CROT: variants seen among roughly 807,000 people sequenced by gnomAD.
CROT encodes peroxisomal carnitine O-octanoyltransferase.
CROT carries 84 observed loss-of-function variants against 89.2 expected under a neutral mutation model. That is an observed-to-expected ratio of 0.94 (90% CI 0.79 to 1.13). CROT has a LOEUF of 1.13. Ranked by LOEUF, CROT falls within the 50% of genes most tolerant of loss-of-function variation. CROT has a pLI of 0.00. For missense variants in CROT, 711 were observed against 727.8 expected (o/e 0.98, Z 0.27); for synonymous variants, 212 against 239.5 (o/e 0.89, Z 1.06).
chr7:87,346,044 C>A (rs1805658824), intron 1 of CROT, among the ~76,000 whole-genome samples: 1 of 152,164 alleles, frequency 6.6e-6, no homozygotes, highest in Non-Finnish European at 1.5e-5. Context: ...TCTGCTCCTG[C>A]TTCTACCCCT....
chr7:87,357,305 T>G (rs1456065373), intron 3 of CROT, among the ~76,000 whole-genome samples: 1 of 152,152 alleles, frequency 6.6e-6, no homozygotes, highest in Non-Finnish European at 1.5e-5. Flanking sequence ...ACTTTAATTT[T>G]TATTATACCC....
intron 3 of CROT, chr7:87,357,494 T>C (rs1432892563): frequency 6.4e-7 from 1 of 1,551,688 alleles, no homozygotes. Context: ...CTCATCCTAA[T>C]GTCCCTTTGT....
intron 10 of CROT, among the ~76,000 whole-genome samples, chr7:87,380,883 A>G (rs542546396): frequency 1.3e-5 from 2 of 152,224 alleles, no homozygotes; most frequent in Non-Finnish European, 2.9e-5. Flanking sequence ...ACTGTTAGAA[A>G]ATGGGTTTGT....
intron 6 of CROT, among the ~76,000 whole-genome samples, chr7:87,363,159 T>C (rs1806334973): frequency 6.6e-6 from 1 of 152,334 alleles, no homozygotes. Flanking sequence ...TTAGATAAGG[T>C]AACTCTTTTG....
At chr7:87,368,251 A>G (rs1198994141) in intron 6 of CROT, among the ~76,000 whole-genome samples, 1 of 152,156 alleles carries the variant, frequency 6.6e-6, no homozygotes, top group Non-Finnish European at 1.5e-5. Context: ...CGCCAGGTTT[A>G]TTGTGAGGTA....
At chr7:87,371,973 G>C (rs1584634319) in intron 7 of CROT, among the ~76,000 whole-genome samples, 1 of 129,752 alleles carries the variant, frequency 7.7e-6, no homozygotes. Flanking sequence ...CAGCCTGGGT[G>C]ACAGAGCAAG....
intron 7 of CROT, among the ~76,000 whole-genome samples, chr7:87,371,649 A>AC (rs772150457): frequency 2.6e-5 from 4 of 152,278 alleles, no homozygotes; most frequent in Middle Eastern, 6.8e-3. Context: ...ATGTGAGGAC[A>AC]CCCACTTCTC....
chr7:87,362,824 A>G (rs956393518), intron 6 of CROT, among the ~76,000 whole-genome samples: 2 of 152,178 alleles, frequency 1.3e-5, no homozygotes, highest in African/African-American at 4.8e-5. Flanking sequence ...TTTATAGCCA[A>G]TCATGCTCAT....
intron 17 of CROT, among the ~76,000 whole-genome samples, chr7:87,397,889 A>G (rs967217286): frequency 2.6e-5 from 4 of 152,200 alleles, no homozygotes; most frequent in Admixed American, 6.5e-5. Flanking sequence ...ATATTTCGCT[A>G]TAGAAACTTC....
Position 87,392,959 on chromosome 7 carries a change from G to A in CROT, c.1610G>A (p.Gly537Glu), listed in dbSNP as rs1184782183. ...ATTGTGCCACACAGCGGAGGAGGTG[G>A]AAATTTTGTTCTCTCAACAAGTCTG... is the stretch of plus-strand genomic sequence containing the variant. ...DPLFSKSGGGGNFVLSTSLVG... is the reference protein window; with the variant it reads ...DPLFSKSGGGENFVLSTSLVG... Residue 537 changes from glycine to glutamate, a missense_variant, in exon 17 of 18, where the codon GGA becomes GAA. Transcript: ENST00000331536. The A allele has an allele frequency of 1.4e-5, 23 of 1,613,594 alleles. No homozygotes were observed. Among genetic ancestry groups the A allele is most frequent in the Non-Finnish European group, 1.9e-5 (23 of 1,179,742 alleles).
chr7:87,376,030 T>C, intron 9 of CROT, 77 bp downstream of exon 9: 1 of 1,375,668 alleles, frequency 7.3e-7, no homozygotes, highest in Non-Finnish European at 9.8e-7. Context: ...ATGGAAGTTT[T>C]TTTTCTTTTT....
rs1490482866 is a variant in CROT at position 87,399,624 on chromosome 7, G to C, written c.*980G>C. On this transcript the variant is annotated 3_prime_UTR_variant, in exon 18 of 18. Transcript: ENST00000331536. ...TTAGTTTTGTGAATAGAAAAATAAA[G>C]CACTTATGTTTAAATTTGTTACAGT... 2.0e-5 allele frequency: 3 copies of C among 152,106 alleles called. No individual in the cohort carries two copies. The highest frequency in any genetic ancestry group is 2.9e-5 in the Non-Finnish European group (2 of 68,014). The allele number at this position is 152,106 out of a possible 1,614,324, so 9.4% of individuals were successfully genotyped here. A position where few individuals can be genotyped will look rare whatever the true frequency, so the allele number is the denominator to read the frequency against.
At chr7:87,375,771 C>T (rs1027985641) in intron 8 of CROT, 46 bp downstream of exon 8, 15 of 1,612,158 alleles carry the variant, frequency 9.3e-6, no homozygotes, top group Middle Eastern at 3.3e-4. Flanking sequence ...CTAACAAACT[C>T]TTTTGATGTA....
intron 13 of CROT, 130 bp from the exon 14 acceptor site, chr7:87,391,459 A>C: frequency 1.2e-6 from 1 of 818,156 alleles, no homozygotes; most frequent in Non-Finnish European, 1.8e-6. Flanking sequence ...TTTTTTGTTG[A>C]AAGTCTCCAA....
chr7:87,386,011 A>T (rs574994999), intron 13 of CROT, among the ~76,000 whole-genome samples: 1 of 152,100 alleles, frequency 6.6e-6, no homozygotes, highest in Admixed American at 6.5e-5. Flanking sequence ...GAACCATCTG[A>T]ATCCCACTTA....
intron 13 of CROT, among the ~76,000 whole-genome samples, chr7:87,384,358 C>G (rs1433286851): frequency 6.6e-6 from 1 of 152,056 alleles, no homozygotes; most frequent in Non-Finnish European, 1.5e-5. Flanking sequence ...ATAGCGAAAC[C>G]CTGTCTCTAC....
At chr7:87,358,439 G>A (rs1158760510) in intron 3 of CROT, among the ~76,000 whole-genome samples, 4 of 128,634 alleles carry the variant, frequency 3.1e-5, no homozygotes, top group Admixed American at 9.9e-5. Context: ...CTGAGATTAC[G>A]CCACTGCACT....
At chr7:87,394,987 GA>G (rs148318104) in intron 17 of CROT, among the ~76,000 whole-genome samples, 13 of 148,658 alleles carry the variant, frequency 8.7e-5, no homozygotes, top group East Asian at 3.9e-4. Context: ...GCCCTATTCT[GA>G]AAAAAAAAAT....
chr7:87,365,529 A>G (rs1215882617), intron 6 of CROT, among the ~76,000 whole-genome samples: 1 of 150,858 alleles, frequency 6.6e-6, no homozygotes, highest in East Asian at 1.9e-4. Flanking sequence ...TGAAAAAATG[A>G]TGTGTGTTGA....
Sources: allele counts gnomAD v4.1 joint callset (sites outside exome capture counted in the v4.1 genomes callset), GRCh38; gene constraint gnomAD v4.1.1; transcripts MANE v1.5; gene names NCBI Gene and HGNC (gene_info 2026-07-23, HGNC 2026-07-21).